The following UNC5D variants were observed in gnomAD, a reference collection of about 807,000 sequenced individuals.
UNC5D encodes unc-5 netrin receptor D, also known as netrin receptor UNC5D.
A neutral mutation model predicts 105.4 loss-of-function variants in UNC5D; 39 were observed. That is an observed-to-expected ratio of 0.37 (90% CI 0.29 to 0.48). The LOEUF (loss-of-function observed/expected upper bound fraction) is 0.48. Among genes scored for constraint, UNC5D ranks in the 20% least tolerant of loss-of-function variants. The pLI is 0.98. For missense variants in UNC5D, 991 were observed against 1,202.4 expected, an observed-to-expected ratio of 0.82 and a Z score of 2.60; for synonymous variants, 452 against 450.4, an observed-to-expected ratio of 1.00 and a Z score of -0.04.
chr8:35,532,480 T>C (rs1401702887), intron 1 of UNC5D, among the ~76,000 whole-genome samples: 1 of 88,444 alleles, frequency 1.1e-5, no homozygotes, highest in Non-Finnish European at 2.2e-5. Flanking sequence ...GCCCTTAACA[T>C]TTTTTCCTTC....
chr8:35,715,219 G>T (rs201681247), intron 8 of UNC5D, among the ~76,000 whole-genome samples: 1 of 152,036 alleles, frequency 6.6e-6, no homozygotes, highest in African/African-American at 2.4e-5. Flanking sequence ...ATAAGATAGC[G>T]TACATTTTCT....
chr8:35,320,798 T>C (rs1809683913), intron 1 of UNC5D, among the ~76,000 whole-genome samples: 1 of 152,166 alleles, frequency 6.6e-6, no homozygotes, highest in Non-Finnish European at 1.5e-5. Flanking sequence ...GGTTTTCCTG[T>C]TAACTTTGTA....
At chr8:35,728,095 A>AAAAAAAAAATATATATAT (rs34672872) in intron 10 of UNC5D, among the ~76,000 whole-genome samples, 2 of 110,362 alleles carry the variant, frequency 1.8e-5, no homozygotes, top group African/African-American at 1.1e-4. Flanking sequence ...AAAAAAAAAA[A>AAAAAAAAAATATATATAT]ATATATATAT....
chr8:35,271,967 A>G (rs940256077), intron 1 of UNC5D, among the ~76,000 whole-genome samples: 2 of 151,944 alleles, frequency 1.3e-5, no homozygotes, highest in African/African-American at 4.8e-5. Flanking sequence ...TGGCAAACAC[A>G]GTATGGATGG....
At chr8:35,315,429 C>G (rs1406378) in intron 1 of UNC5D, among the ~76,000 whole-genome samples, 124,638 of 151,986 alleles carry the variant, frequency 0.82, 51,555 homozygotes, top group East Asian at 1. Flanking sequence ...TGGGGCAGTG[C>G]AGATGGCTGG....
intron 16 of UNC5D, among the ~76,000 whole-genome samples, chr8:35,789,268 T>C (rs994529466): frequency 2.8e-5 from 4 of 144,812 alleles, no homozygotes; most frequent in South Asian, 2.3e-4. Flanking sequence ...AAGGAAGTCA[T>C]TGAAGACAAC....
intron 1 of UNC5D, among the ~76,000 whole-genome samples, chr8:35,280,103 C>T (rs1254418861): frequency 6.6e-6 from 1 of 152,124 alleles, no homozygotes; most frequent in African/African-American, 2.4e-5. Context: ...TCAAACAATT[C>T]TCCTGCCTCA....
chr8:35,518,521 T>C (rs1208548582), intron 1 of UNC5D, among the ~76,000 whole-genome samples: 1 of 152,212 alleles, frequency 6.6e-6, no homozygotes, highest in African/African-American at 2.4e-5. Flanking sequence ...TGGTCCCTTC[T>C]TACTGCAGTA....
intron 1 of UNC5D, among the ~76,000 whole-genome samples, chr8:35,308,763 G>A (rs558255057): frequency 3.9e-5 from 6 of 152,020 alleles, no homozygotes; most frequent in Non-Finnish European, 8.8e-5. Flanking sequence ...GAGACTTTAA[G>A]CACCTGTAAG....
At chr8:35,397,682 G>A (rs1292613670) in intron 1 of UNC5D, among the ~76,000 whole-genome samples, 1 of 152,084 alleles carries the variant, frequency 6.6e-6, no homozygotes, top group Non-Finnish European at 1.5e-5. Context: ...TTCTGAGTCT[G>A]TCTCATTTGT....
At chr8:35,667,216 A>G (rs1824483798) in intron 4 of UNC5D, among the ~76,000 whole-genome samples, 1 of 152,192 alleles carries the variant, frequency 6.6e-6, no homozygotes, top group African/African-American at 2.4e-5. Context: ...CTAAATTATG[A>G]TAAAGTAGCA....
chr8:35,355,881 A>C (rs1345268641), intron 1 of UNC5D, among the ~76,000 whole-genome samples: 1 of 152,048 alleles, frequency 6.6e-6, no homozygotes, highest in Non-Finnish European at 1.5e-5. Flanking sequence ...TTGGCTTACA[A>C]GGTGTTGTCT....
chr8:35,273,160 A>G (rs1805537128), intron 1 of UNC5D, among the ~76,000 whole-genome samples: 1 of 152,204 alleles, frequency 6.6e-6, no homozygotes, highest in African/African-American at 2.4e-5. Flanking sequence ...GCATTCATTC[A>G]TTTGGCTAAA....
chr8:35,382,240 A>AT (rs1803088330), intron 1 of UNC5D, among the ~76,000 whole-genome samples: 2 of 152,186 alleles, frequency 1.3e-5, no homozygotes, highest in African/African-American at 4.8e-5. Context: ...AGACGGCTGG[A>AT]GTTTGAGGTT....
intron 7 of UNC5D, among the ~76,000 whole-genome samples, chr8:35,692,293 C>T (rs535462347): frequency 6.6e-5 from 10 of 152,264 alleles, no homozygotes; most frequent in East Asian, 1.9e-4. Flanking sequence ...ATGACCTAGA[C>T]GAAGCACCTG....
At chr8:35,368,374 G>C (rs1030451577) in intron 1 of UNC5D, among the ~76,000 whole-genome samples, 1 of 151,864 alleles carries the variant, frequency 6.6e-6, no homozygotes, top group Non-Finnish European at 1.5e-5. Context: ...CACACACACA[G>C]ATACTTTTAA....
chr8:35,583,672 A>C (rs751464424), intron 3 of UNC5D, among the ~76,000 whole-genome samples: 9 of 152,138 alleles, frequency 5.9e-5, no homozygotes, highest in Non-Finnish European at 1.0e-4. Context: ...ACAAAATGTG[A>C]GTTATCAGTG....
chr8:35,539,506 G>A (rs567958617), intron 1 of UNC5D, among the ~76,000 whole-genome samples: 1 of 152,184 alleles, frequency 6.6e-6, no homozygotes, highest in South Asian at 2.1e-4. Flanking sequence ...AAACAAAATG[G>A]GCGTGATGAA....
At chr8:35,617,480 T>C (rs1386522326) in intron 4 of UNC5D, among the ~76,000 whole-genome samples, 2 of 152,222 alleles carry the variant, frequency 1.3e-5, no homozygotes, top group Non-Finnish European at 2.9e-5. Flanking sequence ...AAAAGAATCC[T>C]AGATGGCCTC....
Sources: gnomAD v4.1 joint callset for allele counts (sites outside exome capture counted in the v4.1 genomes callset) on GRCh38, gnomAD v4.1.1 for gene constraint, MANE v1.5 for transcripts, NCBI Gene and HGNC (gene_info 2026-07-23, HGNC 2026-07-21) for gene names.